NLRP1: variants seen among roughly 807,000 people sequenced by gnomAD.
The protein encoded by NLRP1 is NACHT, LRR and PYD domains-containing protein 1.
A neutral mutation model predicts 136.7 loss-of-function variants in NLRP1; 94 were observed. That is an observed-to-expected ratio of 0.69 (90% CI 0.58 to 0.82). NLRP1 has a LOEUF of 0.82. Among genes scored for constraint, NLRP1 ranks in the 40% least tolerant of loss-of-function variants. The pLI, the probability that NLRP1 is intolerant of heterozygous loss-of-function variation, is 0.00. For missense variants in NLRP1, 1,575 were observed against 1,802.7 expected, an observed-to-expected ratio of 0.87 and a Z score of 2.29; for synonymous variants, 690 against 725.1, an observed-to-expected ratio of 0.95 and a Z score of 0.78.
At position 5,541,856 on chromosome 17, in the gene NLRP1, C is replaced by G; in HGVS notation, c.2699+1G>C. The G allele has an allele frequency of 6.2e-7, 1 of 1,613,942 alleles. No individual in the cohort carries two copies. Among genetic ancestry groups the G allele is most frequent in the Non-Finnish European group, 8.5e-7 (1 of 1,180,000 alleles). On this transcript the variant is annotated splice_donor_variant, in intron 6 of 16. Coordinates refer to ENST00000572272, the MANE Select transcript of NLRP1 (RefSeq NM_033004.4). LOFTEE classifies it high-confidence loss of function. The surrounding 1 kb of genome is among the most constrained non-coding windows in gnomAD (Gnocchi z 4.2). ...TCCCCCTGCCCACCAAGAACAATTACTGCAGTCGCTGTAGCTTGCAGCTCG... is the reference window on the plus strand; with the variant it reads ...TCCCCCTGCCCACCAAGAACAATTAGTGCAGTCGCTGTAGCTTGCAGCTCG...
rs183929213 is a variant in NLRP1 at position 5,576,491 on chromosome 17, T to A, written c.652+5368A>T. ...TACAAACTACCATCAGAGAATACTA[T>A]AAACACCTCTACACAAATAAACTAG... On this transcript the variant is annotated intron_variant, in intron 3 of 16. Transcript: ENST00000572272. 8.2e-3 allele frequency among the ~76,000 whole-genome samples: 1,251 copies of A among 152,226 alleles called. 6 individuals carry two copies. The highest frequency in any genetic ancestry group is 0.041 in the Middle Eastern group (12 of 294).
chr17:5,542,371 TTC>T (rs1305214618), intron 5 of NLRP1, among the ~76,000 whole-genome samples: 1 of 152,066 alleles, frequency 6.6e-6, no homozygotes, highest in Non-Finnish European at 1.5e-5. Context: ...GTCACTGCCC[TTC>T]TCTCTCTTCC....
At chr17:5,513,808 A>C (rs1907787549), downstream of NLRP1, among the ~76,000 whole-genome samples, 1 of 152,180 alleles carries the variant, frequency 6.6e-6, no homozygotes, top group Non-Finnish European at 1.5e-5. Context: ...TGTGGTAAAG[A>C]AGCCAAAACC....
At position 5,560,150 on chromosome 17, in the gene NLRP1, T is replaced by G. The variant is rs186150146; in HGVS notation, c.653-107A>C. The G allele has an allele frequency of 4.3e-4, 444 of 1,020,794 alleles. 1 individual carries two copies. Among genetic ancestry groups the G allele is most frequent in the Admixed American group, 2.6e-3 (89 of 33,798 alleles). The allele number at this position is 1,020,794 out of a possible 1,614,324, so 63.2% of individuals were successfully genotyped here. A position where few individuals can be genotyped will look rare whatever the true frequency, so the allele number is the denominator to read the frequency against. ...CTACTCCAAGCCACACACTGCGCTG[T>G]CTGCAGACACTGGTATGTTCTTGCC... is the stretch of plus-strand genomic sequence containing the variant. On this transcript the variant is annotated intron_variant, in intron 3 of 16. Transcript: ENST00000572272.
Position 5,553,569 on chromosome 17 carries a change from G to A in NLRP1, c.2358-13C>T, listed in dbSNP as rs201813908. Reference sequence around the variant, plus strand: ...GACCCACCTGAACCTGAGGGGGAGAGAGAAGGACAGGAGAGATGTGATGTG... The same window carrying A: ...GACCCACCTGAACCTGAGGGGGAGAAAGAAGGACAGGAGAGATGTGATGTG... On this transcript the variant is annotated splice_polypyrimidine_tract_variant and intron_variant, in intron 4 of 16. Coordinates refer to ENST00000572272, the MANE Select transcript of NLRP1 (RefSeq NM_033004.4). 2 of 1,611,370 alleles carry A rather than the reference G, an allele frequency of 1.2e-6. No individual in the cohort carries two copies. The highest frequency in any genetic ancestry group is 3.3e-5 in the Admixed American group (2 of 59,904).
chr17:5,569,695 G>A (rs1175135408), intron 3 of NLRP1, among the ~76,000 whole-genome samples: 1 of 152,108 alleles, frequency 6.6e-6, no homozygotes, highest in Non-Finnish European at 1.5e-5. Context: ...CCCACTGACA[G>A]TATTGAACAG....
rs781271430 is a variant in NLRP1 at position 5,527,958 on chromosome 17, C to T, written c.3520+2523G>A. ...CCTCTGAGAGTGGGGAATGAGGGGG[C>T]GCTGGAGCAGGACCTGAAGGCAGAC... On this transcript the variant is annotated intron_variant, in intron 12 of 16. Transcript: ENST00000572272. Among the ~76,000 whole-genome samples the T allele has an allele frequency of 7.9e-5, 12 of 152,162 alleles. No homozygotes were observed. The South Asian group carries it at 1.2e-3, about 16-fold the overall frequency.
intron 5 of NLRP1, among the ~76,000 whole-genome samples, chr17:5,546,043 T>C (rs1912621613): frequency 6.6e-6 from 1 of 152,158 alleles, no homozygotes; most frequent in Non-Finnish European, 1.5e-5. Flanking sequence ...TGGACCTCTG[T>C]GAGGAGGCTG....
chr17:5,506,657 C>T (rs946316778), intron 15 of NLRP1, among the ~76,000 whole-genome samples: 3 of 150,926 alleles, frequency 2.0e-5, no homozygotes, highest in Admixed American at 6.6e-5. Flanking sequence ...TTTGGGAAGC[C>T]GAGGCGGGAG....
intron 5 of NLRP1, among the ~76,000 whole-genome samples, chr17:5,548,027 C>T (rs1319944269): frequency 2.6e-5 from 4 of 152,154 alleles, no homozygotes; most frequent in Non-Finnish European, 5.9e-5. Context: ...CTGAATTCTG[C>T]TATCTTTCCA....
intron 13 of NLRP1, 87 bp from the exon 14 acceptor site, chr17:5,521,099 TG>T (rs1448962876): frequency 1.6e-5 from 22 of 1,364,866 alleles, no homozygotes; most frequent in Non-Finnish European, 2.2e-5. Flanking sequence ...TCTGTGTGTT[TG>T]TGTGGACAGA....
downstream of NLRP1, chr17:5,512,089 G>C (rs1907678367): frequency 2.7e-6 from 2 of 734,360 alleles, no homozygotes. Flanking sequence ...TTGTGGTTTT[G>C]GTGCATCCAC....
intron 6 of NLRP1, among the ~76,000 whole-genome samples, chr17:5,540,251 G>T (rs7207641): frequency 0.047 from 7,202 of 152,246 alleles, 197 homozygotes; most frequent in Middle Eastern, 0.088. Context: ...TTGTACGTAC[G>T]GATGTGGGAC....
At chr17:5,548,769 C>A (rs1005788942) in intron 5 of NLRP1, among the ~76,000 whole-genome samples, 8 of 152,142 alleles carry the variant, frequency 5.3e-5, no homozygotes, top group Admixed American at 3.3e-4. Context: ...CAGCAGTAGT[C>A]CCTGCTGACC....
intron 5 of NLRP1, among the ~76,000 whole-genome samples, chr17:5,545,717 G>T (rs1912585485): frequency 6.6e-6 from 1 of 152,220 alleles, no homozygotes; most frequent in African/African-American, 2.4e-5. Flanking sequence ...GCAGCTGGCA[G>T]ATGTGGCTCT....
chr17:5,549,689 T>TTC (rs1481363887), intron 5 of NLRP1, among the ~76,000 whole-genome samples: 4 of 152,230 alleles, frequency 2.6e-5, no homozygotes, highest in Non-Finnish European at 5.9e-5. Context: ...GTTAATTTCA[T>TTC]TTTCTTGCTT....
intron 4 of NLRP1, among the ~76,000 whole-genome samples, chr17:5,558,008 G>C (rs972356197): frequency 3.4e-4 from 51 of 152,054 alleles, no homozygotes; most frequent in African/African-American, 1.2e-3. Flanking sequence ...TGGGGAGTGT[G>C]GGGGTAGCTA....
intron 3 of NLRP1, among the ~76,000 whole-genome samples, chr17:5,577,728 A>G (rs932548234): frequency 6.6e-6 from 1 of 152,220 alleles, no homozygotes; most frequent in Non-Finnish European, 1.5e-5. Flanking sequence ...CAAGCTACCA[A>G]TGACTTTCTT....
At chr17:5,578,745 G>A (rs1281538618) in intron 3 of NLRP1, among the ~76,000 whole-genome samples, 2 of 152,146 alleles carry the variant, frequency 1.3e-5, no homozygotes, top group Admixed American at 6.5e-5. Flanking sequence ...ATTTGACCCA[G>A]CCATCCCATT....
Sources: gnomAD v4.1 joint callset for allele counts (sites outside exome capture counted in the v4.1 genomes callset) on GRCh38, gnomAD v4.1.1 for gene constraint, Gnocchi (gnomAD v3.1) non-coding constraint, MANE v1.5 for transcripts, NCBI Gene and HGNC (gene_info 2026-07-23, HGNC 2026-07-21) for gene names.